NRXN2: variants seen among roughly 807,000 people sequenced by gnomAD.
NRXN2 encodes neurexin 2.
NRXN2 carries 29 observed loss-of-function variants against 128.8 expected under a neutral mutation model. That is an observed-to-expected ratio of 0.23 (90% confidence interval 0.17 to 0.31). The LOEUF (loss-of-function observed/expected upper bound fraction) is 0.31, where lower values mean the gene tolerates loss of function less well. Ranked by LOEUF, NRXN2 falls within the 10% of genes least tolerant of loss-of-function variation. The pLI is 1.00. For missense variants in NRXN2, 1,881 were observed against 2,452.6 expected (o/e 0.77, Z 4.92); for synonymous variants, 1,098 against 1,075.2 (o/e 1.02, Z -0.41).
Position 64,685,898 on chromosome 11 carries a change from G to T in NRXN2, c.900C>A (p.Tyr300Ter). 6.2e-7 allele frequency: 1 copy of T among 1,614,172 alleles called. No homozygotes were observed. Among genetic ancestry groups the T allele is most frequent in the Non-Finnish European group, 8.5e-7 (1 of 1,180,028 alleles). Residue 300 changes from tyrosine (Y) to a stop codon, truncating the protein, a stop_gained, in exon 6 of 23, where the codon TAC becomes TAA. Transcript: ENST00000265459. LOFTEE classifies it high-confidence loss of function. Reference sequence around the variant, plus strand: ...TCTGGATGGGGTTGTGTGACAGGTCGTAGCAGAAGAACTCATTGCCTTTGA... The same window carrying T: ...TCTGGATGGGGTTGTGTGACAGGTCTTAGCAGAAGAACTCATTGCCTTTGA... ...ATFKGNEFFCYDLSHNPIQSS... is the reference protein window; with the variant it reads ...ATFKGNEFFC
chr11:64,685,697 C>T lies in NRXN2; in HGVS notation c.1101G>A (p.Lys367=). Residue 367 remains lysine (K), a synonymous_variant, in exon 6 of 23, where the codon AAG becomes AAA. Transcript: ENST00000265459. ...FEALVEPVNG[K]FNDNAWHDVR... is the part of the protein sequence containing the mutation. ...CGTCGTGCCAGGCGTTGTCGTTGAA[C>T]TTGCCATTGACGGGTTCCACAAGGG... 6.2e-7 allele frequency: 1 copy of T among 1,614,224 alleles called. No homozygotes were observed. The highest frequency in any genetic ancestry group is 1.1e-5 in the South Asian group (1 of 91,082).
chr11:64,707,336 A>G (rs1049985211), intron 2 of NRXN2, among the ~76,000 whole-genome samples: 2 of 151,846 alleles, frequency 1.3e-5, no homozygotes, highest in African/African-American at 4.8e-5. Flanking sequence ...GCAGTGAGGC[A>G]AGATCACGCC....
chr11:64,652,269 A>T, intron 12 of NRXN2, 115 bp from the exon 13 acceptor site: 1 of 1,341,266 alleles, frequency 7.5e-7, no homozygotes, highest in African/African-American at 1.4e-5. Context: ...ACACATGAAC[A>T]CATACATGAC....
In NRXN2 at chr11:64,630,321, C is replaced by T; in HGVS notation, c.3757+81G>A. Reference sequence around the variant, plus strand: ...GCCCCGCCCCAGAGCCGCTTAGCCCCGCCCCGGTGCGGCCGCACTCCTATC... The same window carrying T: ...GCCCCGCCCCAGAGCCGCTTAGCCCTGCCCCGGTGCGGCCGCACTCCTATC... On this transcript the variant is annotated intron_variant, in intron 19 of 22. Coordinates refer to ENST00000265459, the MANE Select transcript of NRXN2 (RefSeq NM_015080.4). This position sits in a 1 kb window ranked among gnomAD's most constrained non-coding sequence, Gnocchi z 4.6. The T allele has an allele frequency of 1.5e-6, 2 of 1,379,260 alleles. No homozygotes were observed. Among genetic ancestry groups the T allele is most frequent in the Non-Finnish European group, 2.0e-6 (2 of 1,023,214 alleles). The allele number at this position is 1,379,260 out of a possible 1,614,324, so 85.4% of individuals were successfully genotyped here. A position where few individuals can be genotyped will look rare whatever the true frequency, so the allele number is the denominator to read the frequency against.
In NRXN2 at chr11:64,648,664, C is replaced by T. The variant is rs993976928; in HGVS notation, c.3283+70G>A. On this transcript the variant is annotated intron_variant, in intron 16 of 22. Transcript: ENST00000265459. The surrounding 1 kb of genome is among the most constrained non-coding windows in gnomAD (Gnocchi z 4.1). ...TTGGCAGAGCAAAGGCTACCTGCCCCGGTCTGCCTCTGCAGCTGGCCATCC... is the reference window on the plus strand; with the variant it reads ...TTGGCAGAGCAAAGGCTACCTGCCCTGGTCTGCCTCTGCAGCTGGCCATCC... The T allele has an allele frequency of 8.0e-5, 127 of 1,592,342 alleles. 1 individual carries two copies. The Middle Eastern group carries it at 1.8e-3, about 23-fold the overall frequency.
In NRXN2 at chr11:64,713,325, C is replaced by T; in HGVS notation, c.375G>A (p.Ala125=). ...VLLTRDARRT[A]LAVDGEARAA... is the part of the protein sequence containing the mutation. The stretch of plus-strand genomic sequence containing the variant: ...CGCGGGCCTCGCCGTCCACCGCCAG[C>T]GCCGTGCGGCGCGCGTCGCGGGTCA... Residue 125 remains alanine, a synonymous_variant, in exon 2 of 23, where the codon GCG becomes GCA. Transcript: ENST00000265459. 2 of 1,371,132 alleles carry T rather than the reference C, an allele frequency of 1.5e-6. No homozygotes were observed. The highest frequency in any genetic ancestry group is 1.9e-6 in the Non-Finnish European group (2 of 1,070,056). The allele number at this position is 1,371,132 out of a possible 1,614,324, so 84.9% of individuals were successfully genotyped here.
At chr11:64,684,100 G>A (rs952464181) in intron 6 of NRXN2, among the ~76,000 whole-genome samples, 2 of 152,072 alleles carry the variant, frequency 1.3e-5, no homozygotes, top group Non-Finnish European at 2.9e-5. Flanking sequence ...TTCCCCCTCT[G>A]TTCCCAGTAT....
intron 9 of NRXN2, among the ~76,000 whole-genome samples, chr11:64,666,992 A>C (rs2049961731): frequency 6.6e-6 from 1 of 152,158 alleles, no homozygotes; most frequent in African/African-American, 2.4e-5. Flanking sequence ...ACAGATAAGG[A>C]AACAGAGTCT....
At chr11:64,716,498 G>T (rs1345684801) in intron 1 of NRXN2, among the ~76,000 whole-genome samples, 1 of 152,188 alleles carries the variant, frequency 6.6e-6, no homozygotes, top group Admixed American at 6.5e-5. Context: ...GGGCAGGGGG[G>T]CGAAGCGGCT....
In NRXN2 at chr11:64,651,740, C is replaced by T; in HGVS notation, c.2537-104G>A. On this transcript the variant is annotated intron_variant, in intron 13 of 22. Coordinates refer to ENST00000265459, the MANE Select transcript of NRXN2 (RefSeq NM_015080.4). This position sits in a 1 kb window ranked among gnomAD's most constrained non-coding sequence, Gnocchi z 5.9. ...CCACAGGAGGGCCACCCATGAGTGA[C>T]ATCTTTAGAGATGTCCTCGGCTAGG... 7.6e-7 allele frequency: 1 copy of T among 1,311,634 alleles called. No homozygotes were observed. The highest frequency in any genetic ancestry group is 1.8e-5 in the Admixed American group (1 of 54,988). The allele number at this position is 1,311,634 out of a possible 1,614,324, so 81.2% of individuals were successfully genotyped here.
intron 22 of NRXN2, among the ~76,000 whole-genome samples, chr11:64,609,350 C>G (rs192857989): frequency 6.6e-6 from 1 of 151,808 alleles, no homozygotes; most frequent in Non-Finnish European, 1.5e-5. Context: ...AACAAAACAA[C>G]GGAAAGAAGA....
intron 11 of NRXN2, 92 bp from the exon 12 acceptor site, chr11:64,653,814 T>G: frequency 2.1e-6 from 2 of 971,330 alleles, no homozygotes. Flanking sequence ...GGGAGGGGTG[T>G]CTGCGGGCGG....
chr11:64,668,178 C>T (rs532439198), intron 8 of NRXN2, among the ~76,000 whole-genome samples: 1 of 152,346 alleles, frequency 6.6e-6, no homozygotes, highest in East Asian at 1.9e-4. Flanking sequence ...CTTTAGTCTT[C>T]ATACCCAGCA....
chr11:64,686,039 T>C, intron 5 of NRXN2, 92 bp from the exon 6 acceptor site: 1 of 1,441,386 alleles, frequency 6.9e-7, no homozygotes. Context: ...CAGGCACTGG[T>C]CCTGGGCACC....
At chr11:64,650,345 G>C (rs576175437) in intron 15 of NRXN2, 103 bp downstream of exon 15, 270 of 1,186,516 alleles carry the variant, frequency 2.3e-4, no homozygotes, top group Middle Eastern at 2.4e-4. Context: ...GGAAACTGGG[G>C]GCAGGGAACC....
chr11:64,713,631 C>T lies in NRXN2; in HGVS notation c.69G>A (p.Ala23=). Residue 23 remains alanine (A), a synonymous_variant, in exon 2 of 23, where the codon GCG becomes GCA. Transcript: ENST00000265459. ...CGAACTCCAGGCCGTCCGCGCGCGC[C>T]GCCAGCGCCAGCAGCAGCAGCAACA... The part of the protein sequence containing the change: ...PLLLLLLLAL[A]ARADGLEFGG... 1 of 1,249,850 alleles carries T rather than the reference C, an allele frequency of 8.0e-7. No individual in the cohort carries two copies. Among genetic ancestry groups the T allele is most frequent in the South Asian group, 2.8e-5 (1 of 36,254 alleles). 77.4% of individuals were successfully genotyped at this position (1,249,850 alleles called of 1,614,324 possible). A position where few individuals can be genotyped will look rare whatever the true frequency, so the allele number is the denominator to read the frequency against.
chr11:64,633,537 G>A (rs1247050811), intron 18 of NRXN2, among the ~76,000 whole-genome samples: 1 of 152,170 alleles, frequency 6.6e-6, no homozygotes, highest in Non-Finnish European at 1.5e-5. Flanking sequence ...CTTCGCATGA[G>A]GGAGAAGAGA....
chr11:64,708,548 T>C (rs2056570704), intron 2 of NRXN2, among the ~76,000 whole-genome samples: 1 of 152,188 alleles, frequency 6.6e-6, no homozygotes, highest in Admixed American at 6.5e-5. Context: ...GAGCTCTGTC[T>C]TCAATTACGT....
At chr11:64,649,624 G>A (rs1450652098) in intron 15 of NRXN2, among the ~76,000 whole-genome samples, 2 of 152,202 alleles carry the variant, frequency 1.3e-5, no homozygotes, top group African/African-American at 4.8e-5. Flanking sequence ...GGAATTCACA[G>A]CACTATGTCA....
Sources: gnomAD v4.1 joint callset for allele counts (sites outside exome capture counted in the v4.1 genomes callset) on GRCh38, gnomAD v4.1.1 for gene constraint, Gnocchi (gnomAD v3.1) non-coding constraint, MANE v1.5 for transcripts, NCBI Gene and HGNC (gene_info 2026-07-23, HGNC 2026-07-21) for gene names.